Variants in AKAP6 observed in about 807,000 individuals in gnomAD.
AKAP6 encodes the protein A-kinase anchor protein 6.
A neutral mutation model predicts 188.5 loss-of-function variants in AKAP6; 58 were observed. The observed-to-expected ratio is 0.31, with a 90% CI of 0.25 to 0.38. The LOEUF is 0.38. AKAP6 is among the 10% of genes least tolerant of loss of function. The pLI, the probability that AKAP6 is intolerant of heterozygous loss-of-function variation, is 1.00. For synonymous variants in AKAP6, 989 were observed against 998.6 expected, an observed-to-expected ratio of 0.99 and a Z score of 0.18; for missense variants, 2,710 against 2,740.0, an observed-to-expected ratio of 0.99 and a Z score of 0.24.
chr14:32,789,091 G>T (rs2033525868), intron 12 of AKAP6, among the ~76,000 whole-genome samples: 1 of 151,870 alleles, frequency 6.6e-6, no homozygotes, highest in South Asian at 2.1e-4. Flanking sequence ...ATGCAGCACG[G>T]CTGCCTTGCC....
intron 9 of AKAP6, among the ~76,000 whole-genome samples, chr14:32,724,638 T>G (rs1352917601): frequency 6.6e-6 from 1 of 152,192 alleles, no homozygotes; most frequent in Non-Finnish European, 1.5e-5. Flanking sequence ...AGCCAGTTCT[T>G]GGCTAAGGAG....
rs1426233125 is a variant in AKAP6, at chr14:32,822,390, A to C, written c.4577A>C (p.Glu1526Ala). The change falls in exon 13 of 14, where the codon GAA (glutamate) becomes GCA (alanine). Residue 1526 changes from glutamate (E) to alanine (A), a missense_variant. Around this residue, in one of 2 missense-constraint regions of AKAP6, gnomAD observed 2,473 missense variants for 2,426.1 expected, o/e 1.02. Transcript: ENST00000280979. ...TELQPDVPPH[E>A]RILASASHEM... ...TTACAACCAGATGTACCTCCCCATG[A>C]AAGGATTTTGGCAAGTGCATCTCAT... 1 of 1,614,012 alleles carries C rather than the reference A, an allele frequency of 6.2e-7. No individual in the cohort carries two copies. The highest frequency in any genetic ancestry group is 2.2e-5 in the East Asian group (1 of 44,878).
chr14:32,351,165 T>C (rs1887252935), intron 1 of AKAP6, among the ~76,000 whole-genome samples: 2 of 152,226 alleles, frequency 1.3e-5, no homozygotes, highest in South Asian at 4.1e-4. Context: ...TTTTAAGCAT[T>C]TTAGATATAT....
chr14:32,785,402 G>T (rs1322012825), intron 12 of AKAP6, among the ~76,000 whole-genome samples: 3 of 152,000 alleles, frequency 2.0e-5, no homozygotes, highest in Admixed American at 2.0e-4. Context: ...TTACAGTTTA[G>T]ATTTTTAATA....
Position 32,626,323 on chromosome 14 carries a change from T to TA in AKAP6, c.2730+25532dup, listed in dbSNP as rs542705167. Among the ~76,000 whole-genome samples, 30 of 152,248 alleles carry TA rather than the reference T, an allele frequency of 2.0e-4. No individual in the cohort carries two copies. In the South Asian group the frequency reaches 5.2e-3, roughly 26 times the overall value. On this transcript the variant is annotated intron_variant, in intron 7 of 13. Coordinates refer to ENST00000280979, the MANE Select transcript of AKAP6 (RefSeq NM_004274.5). ...CATATGTACAGTGCTAGGGCCGAGT[T>TA]ATGTCACTGGCTTTTAATTGGCTCT...
chr14:32,722,405 C>A (rs377202415), intron 9 of AKAP6, among the ~76,000 whole-genome samples: 22 of 152,100 alleles, frequency 1.4e-4, no homozygotes, highest in East Asian at 9.6e-4. Context: ...GGACAGGAAG[C>A]AGGGAAATAT....
Position 32,803,288 on chromosome 14 carries a change from A to C in AKAP6, c.3589-18114A>C, listed in dbSNP as rs2034000518. Among the ~76,000 whole-genome samples the C allele has an allele frequency of 2.2e-5, 3 of 139,166 alleles. No homozygotes were observed. The South Asian group carries it at 7.5e-4, about 35-fold the overall frequency. 91.3% of individuals were successfully genotyped at this position (139,166 alleles called of 152,430 possible). ...GGGAAACCCCGTCTCTATAAAAAAA[A>C]AAACAAAACAAATATTTTTGATGCA... On this transcript the variant is annotated intron_variant, in intron 12 of 13. Coordinates refer to ENST00000280979, the MANE Select transcript of AKAP6 (RefSeq NM_004274.5).
chr14:32,736,641 A>C (rs1323504613), intron 11 of AKAP6, among the ~76,000 whole-genome samples: 7 of 152,154 alleles, frequency 4.6e-5, no homozygotes, highest in Admixed American at 3.3e-4. Flanking sequence ...GGTGGCAATA[A>C]ATCTTCATCA....
intron 2 of AKAP6, among the ~76,000 whole-genome samples, chr14:32,436,595 T>C (rs542612300): frequency 6.6e-6 from 1 of 152,350 alleles, no homozygotes; most frequent in Admixed American, 6.5e-5. Flanking sequence ...GCTGCTTCTT[T>C]TACCTTTAGC....
intron 9 of AKAP6, among the ~76,000 whole-genome samples, chr14:32,709,038 A>G (rs1370514896): frequency 6.6e-6 from 1 of 152,078 alleles, no homozygotes; most frequent in Non-Finnish European, 1.5e-5. Context: ...TATTTTCTGT[A>G]ACTTGGAAAT....
intron 2 of AKAP6, among the ~76,000 whole-genome samples, chr14:32,475,561 G>A (rs1258166639): frequency 1.3e-5 from 2 of 152,154 alleles, no homozygotes; most frequent in South Asian, 4.1e-4. Context: ...TGTCAATGTG[G>A]AAGATCGAGC....
intron 11 of AKAP6, among the ~76,000 whole-genome samples, chr14:32,747,779 A>C (rs752815172): frequency 1.3e-5 from 2 of 152,234 alleles, no homozygotes; most frequent in Admixed American, 6.5e-5. Context: ...GCAGTTTTCT[A>C]GAGTAAAAGA....
chr14:32,430,950 G>T (rs1161304351), intron 1 of AKAP6, among the ~76,000 whole-genome samples: 1 of 151,954 alleles, frequency 6.6e-6, no homozygotes. Context: ...ACTAAAAAAA[G>T]TACAATTAGC....
intron 1 of AKAP6, chr14:32,402,186 A>G (rs1376024661): frequency 6.6e-6 from 1 of 152,238 alleles, no homozygotes. Context: ...AGGTATTCTT[A>G]TCATGGTAAA....
chr14:32,752,595 C>T (rs557845459), intron 11 of AKAP6, among the ~76,000 whole-genome samples: 1 of 152,198 alleles, frequency 6.6e-6, no homozygotes, highest in African/African-American at 2.4e-5. Flanking sequence ...AGCTAATTAG[C>T]ATATCCATCA....
intron 2 of AKAP6, among the ~76,000 whole-genome samples, chr14:32,530,127 A>AG (rs1882339628): frequency 1.3e-5 from 2 of 151,918 alleles, no homozygotes. Context: ...CGTGGGCTGA[A>AG]GGCATTTTCC....
intron 10 of AKAP6, among the ~76,000 whole-genome samples, chr14:32,734,964 G>T (rs755067577): frequency 6.6e-6 from 1 of 152,066 alleles, no homozygotes; most frequent in Non-Finnish European, 1.5e-5. Flanking sequence ...CTGCCATAGT[G>T]GTTAATTTAA....
At chr14:32,661,466 A>G (rs889499689) in intron 7 of AKAP6, among the ~76,000 whole-genome samples, 49 of 152,102 alleles carry the variant, frequency 3.2e-4, no homozygotes, top group African/African-American at 1.2e-3. Flanking sequence ...CACACTGCCA[A>G]AGGTGCAGAA....
At chr14:32,753,234 G>A (rs1394136776) in intron 11 of AKAP6, among the ~76,000 whole-genome samples, 9 of 151,920 alleles carry the variant, frequency 5.9e-5, no homozygotes, top group Non-Finnish European at 4.4e-5. Context: ...TTTGATAATA[G>A]CCATTCTAAC....
Sources: gnomAD v4.1 joint callset for allele counts (sites outside exome capture counted in the v4.1 genomes callset) on GRCh38, gnomAD v4.1.1 for gene constraint, gnomAD v4.1.1 regional missense constraint, MANE v1.5 for transcripts, NCBI Gene and HGNC (gene_info 2026-07-23, HGNC 2026-07-21) for gene names.